The following PCDHA1 variants were observed in gnomAD, a reference collection of about 807,000 sequenced individuals.
PCDHA1 encodes the protein protocadherin alpha 1.
PCDHA1 carries 42 observed loss-of-function variants against 61.3 expected under a neutral mutation model. That is an observed-to-expected ratio of 0.69 (90% CI 0.54 to 0.89). PCDHA1 has a LOEUF of 0.89. Ranked by LOEUF, PCDHA1 falls within the 40% of genes least tolerant of loss-of-function variation. The probability of loss-of-function intolerance (pLI) is 0.00; values close to 1 mark genes in which losing one functional copy is unlikely to be tolerated. For missense variants in PCDHA1, 1,256 were observed against 1,235.3 expected, an observed-to-expected ratio of 1.02 and a Z score of -0.25; for synonymous variants, 610 against 553.8, an observed-to-expected ratio of 1.10 and a Z score of -1.43.
intron 1 of PCDHA1, chr5:140,830,305 G>C: frequency 6.2e-7 from 1 of 1,613,948 alleles, no homozygotes; most frequent in Non-Finnish European, 8.5e-7. Context: ...ACAAGCCCAC[G>C]CTGGTGTGCT....
chr5:140,908,967 G>C (rs1039870615), intron 1 of PCDHA1, among the ~76,000 whole-genome samples: 4 of 152,076 alleles, frequency 2.6e-5, no homozygotes, highest in Non-Finnish European at 5.9e-5. Context: ...ATCTTGATAG[G>C]CCCCACTCCA....
intron 1 of PCDHA1, among the ~76,000 whole-genome samples, chr5:140,789,820 T>C (rs1761554874): frequency 6.6e-6 from 1 of 152,236 alleles, no homozygotes; most frequent in African/African-American, 2.4e-5. Flanking sequence ...CTAAGTTCAG[T>C]ATTATTACTA....
intron 1 of PCDHA1, chr5:140,867,518 A>T (rs2050002627): frequency 6.6e-6 from 1 of 152,128 alleles, no homozygotes; most frequent in Non-Finnish European, 1.5e-5. Context: ...TCAAATTAAT[A>T]GTTGAATATA....
intron 1 of PCDHA1, among the ~76,000 whole-genome samples, chr5:140,954,068 G>A (rs1404063517): frequency 6.6e-6 from 1 of 152,174 alleles, no homozygotes; most frequent in South Asian, 2.1e-4. Context: ...TTATGCTGAG[G>A]ATAATGGCTT....
At chr5:140,825,107 A>G (rs1768448752) in intron 1 of PCDHA1, 1 of 151,744 alleles carries the variant, frequency 6.6e-6, no homozygotes, top group Non-Finnish European at 1.5e-5. Context: ...TTCATATACA[A>G]ATAAACTTCC....
intron 1 of PCDHA1, chr5:140,810,079 A>G (rs1764597643): frequency 6.5e-6 from 1 of 153,852 alleles, no homozygotes; most frequent in Non-Finnish European, 1.4e-5. Context: ...ACGTTATCTA[A>G]TTGGACTTGC....
intron 1 of PCDHA1, chr5:140,823,855 G>T: frequency 6.2e-7 from 1 of 1,613,846 alleles, no homozygotes; most frequent in South Asian, 1.1e-5. Flanking sequence ...TGCCCTGGTG[G>T]ATGTCAACGT....
chr5:140,845,640 T>C (rs1256673286), intron 1 of PCDHA1, among the ~76,000 whole-genome samples: 1 of 149,636 alleles, frequency 6.7e-6, no homozygotes, highest in Non-Finnish European at 1.5e-5. Flanking sequence ...AATCAAGTCC[T>C]CCCTTTACCA....
intron 1 of PCDHA1, among the ~76,000 whole-genome samples, chr5:140,943,257 CA>C (rs1238620023): frequency 1.6e-3 from 121 of 77,534 alleles, no homozygotes; most frequent in Middle Eastern, 7.2e-3. Flanking sequence ...GACTCTGTCT[CA>C]AAAAAAAAAA....
At chr5:140,800,936 A>C in intron 1 of PCDHA1, 1 of 916,912 alleles carries the variant, frequency 1.1e-6, no homozygotes, top group Non-Finnish European at 1.4e-6. Flanking sequence ...AAATTTTGGG[A>C]AAGTTCAAAC....
chr5:140,941,809 TAG>T (rs1477400878), intron 1 of PCDHA1, among the ~76,000 whole-genome samples: 5 of 152,254 alleles, frequency 3.3e-5, no homozygotes, highest in Non-Finnish European at 5.9e-5. Context: ...TTGATTTCAG[TAG>T]GATGACTGCT....
In PCDHA1 at chr5:140,856,840, C is replaced by T. The variant is rs782759448; in HGVS notation, c.2394+68156C>T. On this transcript the variant is annotated intron_variant, in intron 1 of 3. Transcript: ENST00000504120. ...ACCAAACATTAGTAATACGGCTCAA[C>T]GCTTCTGATTCGGATGAAGGAATAA... is the stretch of plus-strand genomic sequence containing the variant. The T allele has an allele frequency of 7.5e-6, 12 of 1,591,778 alleles. 2 individuals are homozygous for T. The highest frequency in any genetic ancestry group is 4.0e-5 in the African/African-American group (3 of 74,140).
intron 1 of PCDHA1, chr5:140,802,641 G>A (rs781988680): frequency 6.2e-7 from 1 of 1,613,784 alleles, no homozygotes; most frequent in African/African-American, 1.3e-5. Context: ...TGCGCGGGAC[G>A]CGGACGCGCA....
chr5:140,883,966 G>A, intron 1 of PCDHA1: 1 of 1,613,094 alleles, frequency 6.2e-7, no homozygotes. Flanking sequence ...CGGCGCTGCT[G>A]ACGCCCGGGG....
chr5:140,968,715 A>G, intron 1 of PCDHA1: 1 of 1,614,132 alleles, frequency 6.2e-7, no homozygotes, highest in Non-Finnish European at 8.5e-7. Context: ...AAGATGGGAG[A>G]TGAGAGTGGT....
chr5:140,849,915 A>G (rs1554143492), intron 1 of PCDHA1: 3 of 1,598,260 alleles, frequency 1.9e-6, no homozygotes, highest in Non-Finnish European at 2.6e-6. Flanking sequence ...GGGCTGCCAC[A>G]TCTTCACGGT....
At position 140,795,335 on chromosome 5, in the gene PCDHA1, A is replaced by G. The variant is rs1260753639; in HGVS notation, c.2394+6651A>G. The G allele has an allele frequency of 1.9e-6, 3 of 1,614,108 alleles. No homozygotes were observed. Among genetic ancestry groups the G allele is most frequent in the African/African-American group, 1.3e-5 (1 of 74,940 alleles). ...GTTTTCCATGTGGAAGTGGAGGTGA[A>G]GGACATTAACGACAACCCGCCAATA... On this transcript the variant is annotated intron_variant, in intron 1 of 3. Transcript: ENST00000504120.
intron 1 of PCDHA1, among the ~76,000 whole-genome samples, chr5:140,871,958 G>A (rs1251366239): frequency 1.3e-5 from 2 of 152,180 alleles, no homozygotes; most frequent in Non-Finnish European, 2.9e-5. Context: ...CTAAAGGGAG[G>A]AGGTCTTCCT....
At chr5:141,003,680 T>C (rs1167133667) in intron 3 of PCDHA1, among the ~76,000 whole-genome samples, 1 of 152,198 alleles carries the variant, frequency 6.6e-6, no homozygotes, top group African/African-American at 2.4e-5. Flanking sequence ...GTTGTTCTGA[T>C]TTTAAAATAT....
Sources: allele counts gnomAD v4.1 joint callset (sites outside exome capture counted in the v4.1 genomes callset), GRCh38; gene constraint gnomAD v4.1.1; transcripts MANE v1.5; gene names NCBI Gene and HGNC (gene_info 2026-07-23, HGNC 2026-07-21).